The following SFMBT2 variants were observed in gnomAD, a reference collection of about 807,000 sequenced individuals.
SFMBT2 encodes the protein Scm like with four mbt domains 2, also known as scm-like with four MBT domains protein 2.
Under a neutral mutation model 110.1 loss-of-function variants are expected in SFMBT2, and 38 were observed. That is an observed-to-expected ratio of 0.35 (90% CI 0.27 to 0.45). SFMBT2 has a LOEUF of 0.45. Ranked by LOEUF, SFMBT2 falls within the 20% of genes least tolerant of loss-of-function variation. The pLI, the probability that SFMBT2 is intolerant of heterozygous loss-of-function variation, is 1.00. For synonymous variants in SFMBT2, 425 were observed against 425.4 expected (o/e 1.00, Z 0.01); for missense variants, 1,011 against 1,094.9 (o/e 0.92, Z 1.08).
chr10:7,394,318 A>C (rs1302544893), intron 1 of SFMBT2, among the ~76,000 whole-genome samples: 1 of 151,724 alleles, frequency 6.6e-6, no homozygotes, highest in Non-Finnish European at 1.5e-5. Flanking sequence ...CTGTGCGTCG[A>C]TGCCCACCCC....
At chr10:7,380,118 C>G (rs530442242) in intron 2 of SFMBT2, among the ~76,000 whole-genome samples, 1 of 152,314 alleles carries the variant, frequency 6.6e-6, no homozygotes, top group East Asian at 1.9e-4. Context: ...AATAACTTCA[C>G]TCAGCAAACA....
In SFMBT2 at chr10:7,315,105, AAAG is replaced by A. The variant is rs1381041246; in HGVS notation, c.437-29154_437-29152del. Among the ~76,000 whole-genome samples the A allele has an allele frequency of 1.7e-4, 24 of 141,888 alleles. 1 individual carries two copies. Among genetic ancestry groups the A allele is most frequent in the Admixed American group, 4.8e-4 (7 of 14,504 alleles). The allele number at this position is 141,888 out of a possible 152,430, so 93.1% of individuals were successfully genotyped here. ...GAAAGAAAGAAAGAAAGAAAGAAAG[AAAG>A]AAAAAGCAAGCAAGCAAGCCAGCCA... On this transcript the variant is annotated intron_variant, in intron 4 of 20. Transcript: ENST00000397167.
chr10:7,298,162 C>T (rs977165390), intron 4 of SFMBT2, among the ~76,000 whole-genome samples: 2 of 152,230 alleles, frequency 1.3e-5, no homozygotes, highest in African/African-American at 2.4e-5. Context: ...CTGGAGAGAT[C>T]CTGTCTCTTG....
intron 9 of SFMBT2, among the ~76,000 whole-genome samples, chr10:7,230,859 G>A (rs1183556296): frequency 6.6e-6 from 1 of 152,132 alleles, no homozygotes; most frequent in Non-Finnish European, 1.5e-5. Context: ...CTTGAACCCG[G>A]AGGCGGAGAT....
chr10:7,219,254 T>C (rs896904014), intron 11 of SFMBT2, among the ~76,000 whole-genome samples: 2 of 152,260 alleles, frequency 1.3e-5, no homozygotes, highest in African/African-American at 4.8e-5. Flanking sequence ...GTTGCCTGTG[T>C]CTACACTTTC....
chr10:7,189,769 C>T (rs1317341472), intron 15 of SFMBT2, among the ~76,000 whole-genome samples: 1 of 152,230 alleles, frequency 6.6e-6, no homozygotes, highest in African/African-American at 2.4e-5. Flanking sequence ...GCATGGAGCT[C>T]ACATTTTGGA....
At chr10:7,316,379 G>A (rs1478397467) in intron 4 of SFMBT2, among the ~76,000 whole-genome samples, 1 of 152,138 alleles carries the variant, frequency 6.6e-6, no homozygotes, top group African/African-American at 2.4e-5. Flanking sequence ...GCAGGTGAGG[G>A]GCTGGGTGGA....
Position 7,227,039 on chromosome 10 carries a change from C to T in SFMBT2, c.1203+816G>A, listed in dbSNP as rs139366021. Among the ~76,000 whole-genome samples, 62 of 152,256 alleles carry T rather than the reference C, an allele frequency of 4.1e-4. No homozygotes were observed. In the East Asian group the frequency reaches 9.5e-3, roughly 23 times the overall value. ...GACCTCCAATAACTCTGTAAGTACA[C>T]GCATGTGCACACACACACACACTCA... On this transcript the variant is annotated intron_variant, in intron 10 of 20. Transcript: ENST00000397167.
chr10:7,193,458 TC>T (rs1172929478), intron 15 of SFMBT2, among the ~76,000 whole-genome samples: 1 of 152,106 alleles, frequency 6.6e-6, no homozygotes, highest in Non-Finnish European at 1.5e-5. Flanking sequence ...AAGGACAATG[TC>T]CCCCCACCAT....
chr10:7,176,635 T>A, intron 16 of SFMBT2: 1 of 374,402 alleles, frequency 2.7e-6, no homozygotes, highest in Non-Finnish European at 3.7e-6. Context: ...CAAGACTGTG[T>A]ATCATATTGT....
intron 9 of SFMBT2, among the ~76,000 whole-genome samples, chr10:7,232,684 T>C (rs1173903265): frequency 6.6e-6 from 1 of 152,236 alleles, no homozygotes; most frequent in Non-Finnish European, 1.5e-5. Flanking sequence ...CAATAATTGT[T>C]GGGTGGTGGG....
intron 4 of SFMBT2, among the ~76,000 whole-genome samples, chr10:7,366,800 G>A (rs1484951382): frequency 6.6e-6 from 1 of 152,200 alleles, no homozygotes; most frequent in East Asian, 1.9e-4. Context: ...CTGGCAGGCT[G>A]AGCCTGGTAA....
chr10:7,270,548 C>A (rs894162923), intron 7 of SFMBT2, among the ~76,000 whole-genome samples: 2 of 152,226 alleles, frequency 1.3e-5, no homozygotes, highest in Non-Finnish European at 2.9e-5. Context: ...AAGTATCTCA[C>A]CAGCTTTAAG....
chr10:7,202,279 G>A, intron 13 of SFMBT2: 1 of 270,674 alleles, frequency 3.7e-6, no homozygotes, highest in South Asian at 1.4e-4. Flanking sequence ...AATCTGGATT[G>A]CGAGTGCCTT....
At chr10:7,243,047 T>C (rs1840484413) in intron 9 of SFMBT2, among the ~76,000 whole-genome samples, 1 of 152,214 alleles carries the variant, frequency 6.6e-6, no homozygotes, top group African/African-American at 2.4e-5. Context: ...AACAATGTGG[T>C]TCTTGAATCC....
At position 7,241,667 on chromosome 10, in the gene SFMBT2, G is replaced by C. The variant is rs1013879573; in HGVS notation, c.1120+1891C>G. ...TCATTGAATGTTTAACAGTTCAGTT[G>C]CATTAATGTAAAACAATTTTCTTAA... is the stretch of plus-strand genomic sequence containing the variant. On this transcript the variant is annotated intron_variant, in intron 9 of 20. Transcript: ENST00000397167. 2.0e-5 allele frequency among the ~76,000 whole-genome samples: 3 copies of C among 152,174 alleles called. No individual in the cohort carries two copies. The East Asian group carries it at 5.8e-4, about 29-fold the overall frequency.
Position 7,394,355 on chromosome 10 carries a change from C to T in SFMBT2, c.-51-12406G>A, listed in dbSNP as rs150986132. 4.3e-3 allele frequency among the ~76,000 whole-genome samples: 650 copies of T among 151,914 alleles called. 2 individuals are homozygous for T. Among genetic ancestry groups the T allele is most frequent in the African/African-American group, 0.015 (638 of 41,418 alleles). ...AAAAATCAAACCCAGTCATCTCCTG[C>T]CCTTCTCCCGCGTCCCCATCTCCTG... On this transcript the variant is annotated intron_variant, in intron 1 of 20. Transcript: ENST00000397167.
intron 4 of SFMBT2, among the ~76,000 whole-genome samples, chr10:7,340,819 A>G (rs1247135040): frequency 1.3e-5 from 2 of 151,804 alleles, no homozygotes; most frequent in African/African-American, 4.8e-5. Context: ...CTTAAAAAAA[A>G]AAAAAAAAAG....
intron 1 of SFMBT2, among the ~76,000 whole-genome samples, chr10:7,382,846 G>A (rs544148996): frequency 2.0e-5 from 3 of 152,272 alleles, no homozygotes; most frequent in Non-Finnish European, 4.4e-5. Flanking sequence ...CTTCTAATAA[G>A]ACTGCTGGAA....
Sources: allele counts gnomAD v4.1 joint callset (sites outside exome capture counted in the v4.1 genomes callset), GRCh38; gene constraint gnomAD v4.1.1; transcripts MANE v1.5; gene names NCBI Gene and HGNC (gene_info 2026-07-23, HGNC 2026-07-21).